Variants in HHAT observed in about 807,000 individuals in gnomAD.
HHAT encodes the protein protein-cysteine N-palmitoyltransferase HHAT.
HHAT carries 47 observed loss-of-function variants against 70.8 expected under a neutral mutation model. The ratio of observed to expected loss-of-function variants is 0.66; its 90% CI spans 0.53 to 0.85. The LOEUF (loss-of-function observed/expected upper bound fraction) is 0.85, where lower values mean the gene tolerates loss of function less well. HHAT is among the 40% of genes least tolerant of loss of function. The pLI is 0.00. For synonymous variants in HHAT, 228 were observed against 247.6 expected (o/e 0.92, Z 0.74); for missense variants, 609 against 604.8 (o/e 1.01, Z -0.07).
chr1:210,433,954 G>A lies in HHAT; in HGVS notation c.856+15629G>A, dbSNP rs574744956. 3.9e-4 allele frequency among the ~76,000 whole-genome samples: 59 copies of A among 151,838 alleles called. 2 individuals are homozygous for A. The highest frequency in any genetic ancestry group is 6.9e-4 in the Non-Finnish European group (47 of 68,040). On this transcript the variant is annotated intron_variant, in intron 7 of 11. Transcript: ENST00000261458. ...GGTTACCTCTGCCCCCACTGTGGCT[G>A]GCCCAGCACCTGCATTAGACATATC...
intron 3 of HHAT, among the ~76,000 whole-genome samples, chr1:210,373,902 AGTCTCCAAATTGTCTAAGCCAGTCTGT>A (rs1156252301): frequency 2.6e-5 from 4 of 152,280 alleles, no homozygotes; most frequent in East Asian, 3.9e-4. Flanking sequence ...CTTAAGGGGG[AGTCTCCAAATTGTCTAAGCCAGTCTGT>A]GTCTCCAATG....
chr1:210,565,639 G>A (rs546604791), intron 9 of HHAT, among the ~76,000 whole-genome samples: 1 of 152,238 alleles, frequency 6.6e-6, no homozygotes, highest in Non-Finnish European at 1.5e-5. Context: ...GGACAAAGAA[G>A]CTGAGAATCT....
chr1:210,358,510 C>T (rs576504291), intron 2 of HHAT, among the ~76,000 whole-genome samples: 2 of 152,294 alleles, frequency 1.3e-5, no homozygotes, highest in South Asian at 2.1e-4. Context: ...CATGAAAAGC[C>T]ACCCCCTTTC....
chr1:210,579,105 C>T (rs1299091031), intron 9 of HHAT, among the ~76,000 whole-genome samples: 1 of 152,056 alleles, frequency 6.6e-6, no homozygotes, highest in East Asian at 1.9e-4. Context: ...GATAAGGACA[C>T]ATGGACACAC....
intron 8 of HHAT, among the ~76,000 whole-genome samples, chr1:210,507,054 T>A (rs2094868475): frequency 6.6e-6 from 1 of 152,186 alleles, no homozygotes; most frequent in South Asian, 2.1e-4. Flanking sequence ...TAGTAAATAT[T>A]TGTTAAATGA....
intron 9 of HHAT, among the ~76,000 whole-genome samples, chr1:210,530,130 G>T (rs1256462867): frequency 6.6e-6 from 1 of 152,116 alleles, no homozygotes; most frequent in Non-Finnish European, 1.5e-5. Flanking sequence ...GAAAAGCTCA[G>T]GTTATGTAAA....
chr1:210,664,835 A>G (rs1678547489), intron 11 of HHAT, among the ~76,000 whole-genome samples: 1 of 152,194 alleles, frequency 6.6e-6, no homozygotes, highest in African/African-American at 2.4e-5. Context: ...GTAGCATATC[A>G]TTCTTTTAAT....
intron 6 of HHAT, among the ~76,000 whole-genome samples, chr1:210,414,720 A>G (rs1454948651): frequency 2.0e-5 from 3 of 152,122 alleles, no homozygotes; most frequent in African/African-American, 7.2e-5. Context: ...TCTCTGATTT[A>G]AAAAAGAACC....
At chr1:210,351,634 C>G (rs1178139318) in intron 2 of HHAT, among the ~76,000 whole-genome samples, 1 of 152,204 alleles carries the variant, frequency 6.6e-6, no homozygotes, top group East Asian at 1.9e-4. Context: ...CATCTGGTGG[C>G]TCGATTGGGC....
At chr1:210,660,947 A>C (rs1677564351) in intron 11 of HHAT, among the ~76,000 whole-genome samples, 1 of 152,214 alleles carries the variant, frequency 6.6e-6, no homozygotes, top group Admixed American at 6.5e-5. Context: ...TGTTAGACCC[A>C]AAACCATTAA....
chr1:210,447,202 A>G (rs1204284204), intron 7 of HHAT, among the ~76,000 whole-genome samples: 2 of 152,228 alleles, frequency 1.3e-5, no homozygotes, highest in African/African-American at 4.8e-5. Flanking sequence ...AATAAGAATC[A>G]TAGTACTTAC....
chr1:210,675,186 G>C lies in HHAT; in HGVS notation c.*807G>C, dbSNP rs770319287. On this transcript the variant is annotated 3_prime_UTR_variant, in exon 12 of 12. Transcript: ENST00000261458. The stretch of plus-strand genomic sequence containing the variant: ...GGCCAGTCATGAGGATGGTGTCCTG[G>C]AGTCTTGTCCACCCTCTCCATACAA... 6.6e-6 allele frequency: 1 copy of C among 152,144 alleles called. No individual in the cohort carries two copies. Among genetic ancestry groups the C allele is most frequent in the Non-Finnish European group, 1.5e-5 (1 of 68,034 alleles). The allele number at this position is 152,144 out of a possible 1,614,324, so 9.4% of individuals were successfully genotyped here.
intron 2 of HHAT, 100 bp from the exon 3 acceptor site, chr1:210,362,751 CT>C: frequency 1.1e-6 from 1 of 945,348 alleles, no homozygotes; most frequent in Non-Finnish European, 1.7e-6. Flanking sequence ...CCACTGGCTG[CT>C]TTTCCAGGAC....
At chr1:210,343,955 T>A (rs2086267004) in intron 1 of HHAT, among the ~76,000 whole-genome samples, 1 of 152,180 alleles carries the variant, frequency 6.6e-6, no homozygotes, top group Non-Finnish European at 1.5e-5. Flanking sequence ...GGGCTAAGCA[T>A]TTTACATTTA....
intron 7 of HHAT, among the ~76,000 whole-genome samples, chr1:210,424,700 A>G (rs1008439038): frequency 6.6e-6 from 1 of 152,072 alleles, no homozygotes; most frequent in African/African-American, 2.4e-5. Flanking sequence ...TTATGGCTGC[A>G]TAGTATTCCA....
chr1:210,445,136 C>T (rs2093609030), intron 7 of HHAT, among the ~76,000 whole-genome samples: 1 of 152,164 alleles, frequency 6.6e-6, no homozygotes, highest in Admixed American at 6.5e-5. Flanking sequence ...CTGTGCCCAA[C>T]CAACACACAA....
intron 10 of HHAT, among the ~76,000 whole-genome samples, chr1:210,615,750 C>T (rs923995109): frequency 5.9e-5 from 9 of 152,326 alleles, no homozygotes; most frequent in East Asian, 3.9e-4. Flanking sequence ...TGCAGAGCAG[C>T]GAATATTGCT....
intron 9 of HHAT, among the ~76,000 whole-genome samples, chr1:210,561,328 A>G (rs1192923120): frequency 6.6e-6 from 1 of 152,218 alleles, no homozygotes; most frequent in Non-Finnish European, 1.5e-5. Context: ...TCTGCACCTC[A>G]TTTTGCATAA....
At chr1:210,615,348 T>C (rs1341151845) in intron 10 of HHAT, among the ~76,000 whole-genome samples, 2 of 152,212 alleles carry the variant, frequency 1.3e-5, no homozygotes, top group East Asian at 1.9e-4. Context: ...TCTAATCTTT[T>C]TTCAATGTTT....
Sources: allele counts gnomAD v4.1 joint callset (sites outside exome capture counted in the v4.1 genomes callset), GRCh38; gene constraint gnomAD v4.1.1; transcripts MANE v1.5; gene names NCBI Gene and HGNC (gene_info 2026-07-23, HGNC 2026-07-21).